The following PARP16 variants were observed in gnomAD, a reference collection of about 807,000 sequenced individuals.
PARP16 encodes the protein poly(ADP-ribose) polymerase family member 16.
A neutral mutation model predicts 35.0 loss-of-function variants in PARP16; 31 were observed. The observed-to-expected ratio is 0.88, with a 90% confidence interval of 0.66 to 1.19. The LOEUF is 1.19. Among genes scored for constraint, PARP16 ranks in the 50% most tolerant of loss-of-function variants. The pLI is 0.00. For missense variants in PARP16, 424 were observed against 411.2 expected (o/e 1.03, Z -0.27); for synonymous variants, 162 against 169.5 (o/e 0.96, Z 0.34).
intron 3 of PARP16, among the ~76,000 whole-genome samples, chr15:65,265,056 GTGT>G (rs2089845489): frequency 1.3e-5 from 2 of 152,220 alleles, no homozygotes; most frequent in African/African-American, 4.8e-5. Context: ...CTGAGAGCCA[GTGT>G]AAACAAGCCC....
Position 65,286,683 on chromosome 15 carries a change from C to G in PARP16, c.-257G>C. On this transcript the variant is annotated 5_prime_UTR_variant, in exon 1 of 6. Coordinates refer to ENST00000649807, the MANE Select transcript of PARP16 (RefSeq NM_001316943.2). The stretch of plus-strand genomic sequence containing the variant: ...ACCGCGGGTCGGCGGGGAGGTTGGG[C>G]CCAGGGATAAAGGAACTGGGGCTGG... The G allele has an allele frequency of 2.3e-6, 1 of 429,400 alleles. No homozygotes were observed. The highest frequency in any genetic ancestry group is 3.7e-5 in the East Asian group (1 of 27,140). 26.6% of individuals were successfully genotyped at this position (429,400 alleles called of 1,614,324 possible). A position where few individuals can be genotyped will look rare whatever the true frequency, so the allele number is the denominator to read the frequency against.
intron 3 of PARP16, among the ~76,000 whole-genome samples, chr15:65,239,450 A>G (rs1469960976): frequency 3.5e-5 from 5 of 141,060 alleles, no homozygotes; most frequent in South Asian, 2.2e-4. Context: ...AAAAAAAAAA[A>G]AAAGAGAGAA....
At chr15:65,281,646 G>A (rs1011040868) in intron 1 of PARP16, among the ~76,000 whole-genome samples, 7 of 150,014 alleles carry the variant, frequency 4.7e-5, no homozygotes, top group African/African-American at 7.4e-5. Context: ...AGCCGAGACC[G>A]CGCCATTGCA....
chr15:65,280,328 A>ACGGGAGGCTGACGTAGGAGGATCG (rs2090382760), intron 1 of PARP16, among the ~76,000 whole-genome samples: 1 of 151,326 alleles, frequency 6.6e-6, no homozygotes, highest in Non-Finnish European at 1.5e-5. Flanking sequence ...TCCCAGCTAC[A>ACGGGAGGCTGACGTAGGAGGATCG]CGGGAGGCTG....
downstream of PARP16, among the ~76,000 whole-genome samples, chr15:65,255,156 A>C (rs920687): frequency 1.5e-4 from 23 of 151,998 alleles, no homozygotes; most frequent in Admixed American, 1.1e-3. Flanking sequence ...ATTTTGGGTC[A>C]GTGCTAAATA....
intron 1 of PARP16, 74 bp downstream of exon 1, chr15:65,286,179 C>G: frequency 8.2e-7 from 1 of 1,214,464 alleles, no homozygotes; most frequent in Non-Finnish European, 1.1e-6. Context: ...GCGGATGGAA[C>G]TGCCTCTACC....
intron 1 of PARP16, among the ~76,000 whole-genome samples, chr15:65,274,182 G>T (rs1232940647): frequency 1.3e-5 from 2 of 150,586 alleles, no homozygotes; most frequent in African/African-American, 4.9e-5. Flanking sequence ...GAACTCAAGT[G>T]ATCCTCCTGC....
At chr15:65,285,563 C>T (rs1331443998) in intron 1 of PARP16, 2 of 359,240 alleles carry the variant, frequency 5.6e-6, no homozygotes, top group Non-Finnish European at 1.1e-5. Flanking sequence ...GAGACTGCCA[C>T]ACTTGACAGG....
chr15:65,242,682 A>G (rs1027350222), intron 3 of PARP16, among the ~76,000 whole-genome samples: 1 of 152,124 alleles, frequency 6.6e-6, no homozygotes, highest in Non-Finnish European at 1.5e-5. Context: ...TGTATCCTGC[A>G]ACTTTGCTAA....
intron 2 of PARP16, among the ~76,000 whole-genome samples, chr15:65,267,143 AG>A (rs940472329): frequency 6.6e-6 from 1 of 152,126 alleles, no homozygotes; most frequent in Non-Finnish European, 1.5e-5. Flanking sequence ...TAGGAGGCTG[AG>A]GCAGAAGAAT....
chr15:65,261,754 G>A (rs1000490409), intron 4 of PARP16, among the ~76,000 whole-genome samples: 3 of 151,934 alleles, frequency 2.0e-5, no homozygotes, highest in East Asian at 3.9e-4. Flanking sequence ...CACCACACCC[G>A]GCCTTAACAG....
At chr15:65,240,323 A>G (rs1351894152) in intron 3 of PARP16, among the ~76,000 whole-genome samples, 1 of 126,080 alleles carries the variant, frequency 7.9e-6, no homozygotes, top group African/African-American at 3.1e-5. Context: ...GGGGGGGGCT[A>G]GTGTGTGTGT....
intron 3 of PARP16, among the ~76,000 whole-genome samples, chr15:65,241,270 AGCTGGGGTTACAG>A (rs2089071332): frequency 6.6e-6 from 1 of 151,166 alleles, no homozygotes; most frequent in South Asian, 2.1e-4. Context: ...CCTCCCAAGT[AGCTGGGGTTACAG>A]GCGTGTGCCA....
At chr15:65,239,427 A>AAAAAAAAAT (rs2088978457) in intron 3 of PARP16, among the ~76,000 whole-genome samples, 3 of 128,614 alleles carry the variant, frequency 2.3e-5, no homozygotes, top group Non-Finnish European at 5.1e-5. Flanking sequence ...CTTTGCCTAA[A>AAAAAAAAAT]AAAAAAAAAA....
chr15:65,281,623 A>C (rs1416045294), intron 1 of PARP16, among the ~76,000 whole-genome samples: 1 of 151,460 alleles, frequency 6.6e-6, no homozygotes, highest in Non-Finnish European at 1.5e-5. Context: ...CCCAGGAGGC[A>C]GAGGTTGCAG....
rs144373493 is a variant in PARP16 at position 65,263,225 on chromosome 15, G to A, written c.615C>T (p.Leu205=). Residue 205 remains leucine, a synonymous_variant, in exon 4 of 6, where the codon CTC becomes CTT. Transcript: ENST00000649807. ...PHGHGWQHSL[L]GPILSCVAVC... ...CGGCCACACAGCTAAGGATGGGGCCGAGGAGGCTGTGCTGCCACCCATGGC... is the reference window on the plus strand; with the variant it reads ...CGGCCACACAGCTAAGGATGGGGCCAAGGAGGCTGTGCTGCCACCCATGGC... 13 of 1,614,130 alleles carry A rather than the reference G, an allele frequency of 8.1e-6. No individual in the cohort carries two copies. The highest frequency in any genetic ancestry group is 3.3e-5 in the Admixed American group (2 of 60,010).
intron 5 of PARP16, among the ~76,000 whole-genome samples, chr15:65,260,091 C>T (rs2089652179): frequency 2.0e-5 from 3 of 152,152 alleles, no homozygotes; most frequent in African/African-American, 4.8e-5. Context: ...CACCTGGACC[C>T]AGGCACCCTA....
chr15:65,261,236 A>T (rs2089701771), intron 4 of PARP16, among the ~76,000 whole-genome samples: 1 of 151,740 alleles, frequency 6.6e-6, no homozygotes, highest in Admixed American at 6.6e-5. Flanking sequence ...AGGAAAATAT[A>T]AGGGATACAA....
intron 2 of PARP16, among the ~76,000 whole-genome samples, chr15:65,249,809 G>A (rs762146121): frequency 1.3e-5 from 2 of 152,236 alleles, no homozygotes; most frequent in Non-Finnish European, 2.9e-5. Flanking sequence ...CACATTCAGT[G>A]CCATGTGTGC....
Sources: gnomAD v4.1 joint callset for allele counts (sites outside exome capture counted in the v4.1 genomes callset) on GRCh38, gnomAD v4.1.1 for gene constraint, MANE v1.5 for transcripts, NCBI Gene and HGNC (gene_info 2026-07-23, HGNC 2026-07-21) for gene names.